UGT1A4: variants seen among roughly 807,000 people sequenced by gnomAD.
The protein encoded by UGT1A4 is UDP-glucuronosyltransferase 1A4.
In UGT1A4, 32 loss-of-function variants were observed where a neutral mutation model predicts 41.1. That is an observed-to-expected ratio of 0.78 (90% CI 0.59 to 1.05). The LOEUF is 1.05. UGT1A4 is among the 50% of genes least tolerant of loss of function. UGT1A4 has a pLI of 0.00. For synonymous variants in UGT1A4, 283 were observed against 265.1 expected, an observed-to-expected ratio of 1.07 and a Z score of -0.66; for missense variants, 748 against 677.4, an observed-to-expected ratio of 1.10 and a Z score of -1.16.
chr2:233,755,274 G>T, intron 1 of UGT1A4: 1 of 734,282 alleles, frequency 1.4e-6, no homozygotes, highest in Non-Finnish European at 2.1e-6. Flanking sequence ...CACTATGCTG[G>T]ACTGCCAAAG....
chr2:233,749,114 A>G (rs113228961), intron 1 of UGT1A4, among the ~76,000 whole-genome samples: 3 of 151,858 alleles, frequency 2.0e-5, no homozygotes, highest in African/African-American at 7.3e-5. Flanking sequence ...CAGCCTTTTT[A>G]TGTCATATTC....
At chr2:233,747,573 T>C (rs1169792054) in intron 1 of UGT1A4, 7 of 1,587,232 alleles carry the variant, frequency 4.4e-6, no homozygotes, top group African/African-American at 1.4e-5. Flanking sequence ...GAAAAATTCA[T>C]CTTTGGTCTT....
intron 1 of UGT1A4, chr2:233,743,514 G>T (rs753191882): frequency 7.3e-7 from 1 of 1,367,256 alleles, no homozygotes; most frequent in Non-Finnish European, 9.8e-7. Flanking sequence ...CAGACGCTCT[G>T]CTTCTGCTTC....
At chr2:233,728,727 T>C (rs1208956331) in intron 1 of UGT1A4, among the ~76,000 whole-genome samples, 1 of 152,204 alleles carries the variant, frequency 6.6e-6, no homozygotes, top group Non-Finnish European at 1.5e-5. Flanking sequence ...AGAGAGCATA[T>C]GACTGGGGGC....
chr2:233,761,493 C>T (rs34652311), intron 1 of UGT1A4, among the ~76,000 whole-genome samples: 4,469 of 152,304 alleles, frequency 0.029, 206 homozygotes, highest in African/African-American at 0.1. Flanking sequence ...TGCACCTTGC[C>T]CTGGATTCAG....
At chr2:233,739,447 A>G (rs1387114794) in intron 1 of UGT1A4, among the ~76,000 whole-genome samples, 2 of 152,208 alleles carry the variant, frequency 1.3e-5, no homozygotes, top group East Asian at 3.8e-4. Flanking sequence ...CTGCAAAGCC[A>G]CAGGGTTGGA....
Position 233,772,318 on chromosome 2 carries a change from C to G in UGT1A4, c.1364C>G (p.Pro455Arg). The change falls in exon 5 of 5, where the codon CCG (proline) becomes CGG (arginine). Residue 455 changes from proline to arginine, a missense_variant. Physicochemically the swap from Pro to Arg is moderately radical, Grantham distance 103. Coordinates refer to ENST00000373409, the MANE Select transcript of UGT1A4 (RefSeq NM_007120.3). ...CTTCACAAGGACCGCCCGGTGGAGC[C>G]GCTGGACCTGGCCGTGTTCTGGGTG... The part of the protein sequence containing the change: ...SSLHKDRPVE[P>R]LDLAVFWVEF... 1 of 1,614,230 alleles carries G rather than the reference C, an allele frequency of 6.2e-7. No individual in the cohort carries two copies.
chr2:233,721,491 G>A (rs1273108761), intron 1 of UGT1A4: 2 of 174,316 alleles, frequency 1.1e-5, no homozygotes, highest in East Asian at 1.8e-4. Flanking sequence ...TATTATTTTA[G>A]TTTAATTGCA....
At position 233,728,920 on chromosome 2, in the gene UGT1A4, G is replaced by C. The variant is rs45496293; in HGVS notation, c.867+9233G>C. Among the ~76,000 whole-genome samples the C allele has an allele frequency of 4.5e-3, 686 of 151,868 alleles. 5 individuals carry two copies. Among genetic ancestry groups the C allele is most frequent in the African/African-American group, 0.016 (647 of 41,130 alleles). Reference sequence around the variant, plus strand: ...AGGGTCAGACGTGTTTTTCAAGATAGTCATGATCGGTCTTTTCCAGGGTGG... The same window carrying C: ...AGGGTCAGACGTGTTTTTCAAGATACTCATGATCGGTCTTTTCCAGGGTGG... On this transcript the variant is annotated intron_variant, in intron 1 of 4. Transcript: ENST00000373409.
chr2:233,723,484 C>A (rs6750992), intron 1 of UGT1A4, among the ~76,000 whole-genome samples: 60,000 of 128,836 alleles, frequency 0.47, 17,177 homozygotes, highest in African/African-American at 0.75. Context: ...TGCTAGGATT[C>A]CAGGTGTGAG....
intron 1 of UGT1A4, chr2:233,743,776 C>T: frequency 7.3e-7 from 1 of 1,367,308 alleles, no homozygotes; most frequent in Non-Finnish European, 9.8e-7. Context: ...CGGCCACCTG[C>T]TTGAATCTCC....
rs2077784718 is a variant in UGT1A4 at position 233,729,074 on chromosome 2, T to G, written c.867+9387T>G. 9 of 1,611,804 alleles carry G rather than the reference T, an allele frequency of 5.6e-6. No individual in the cohort carries two copies. The Admixed American group carries it at 8.3e-5, about 15-fold the overall frequency. ...AGGTAATTAAGATGAAGAAAGCAAATGTAGCAGGCACAGCGTGGGGTGGAC... is the reference window on the plus strand; with the variant it reads ...AGGTAATTAAGATGAAGAAAGCAAAGGTAGCAGGCACAGCGTGGGGTGGAC... On this transcript the variant is annotated intron_variant, in intron 1 of 4. Transcript: ENST00000373409.
At chr2:233,767,790 T>C in intron 2 of UGT1A4, 59 bp from the exon 3 acceptor site, 1 of 1,614,008 alleles carries the variant, frequency 6.2e-7, no homozygotes, top group Non-Finnish European at 8.5e-7. Flanking sequence ...GTATAGCAGA[T>C]TTGTTTTCTA....
chr2:233,772,555 A>G lies in UGT1A4; in HGVS notation c.1601A>G (p.His534Arg), dbSNP rs1350310639. Reference sequence around the variant, plus strand: ...AAGAAAGCCCACAAATCCAAGACCCATTGAGAAGTGGGTGGGAAATAAGGT... The same window carrying G: ...AAGAAAGCCCACAAATCCAAGACCCGTTGAGAAGTGGGTGGGAAATAAGGT... The part of the protein sequence containing the change: ...RVKKAHKSKT[H>R] The change falls in exon 5 of 5, where the codon CAT becomes CGT. Residue 534 changes from histidine to arginine, a missense_variant. Transcript: ENST00000373409. The G allele has an allele frequency of 3.1e-6, 5 of 1,613,990 alleles. No homozygotes were observed. In the South Asian group the frequency reaches 5.5e-5, roughly 18 times the overall value.
At chr2:233,726,191 A>G (rs942571652) in intron 1 of UGT1A4, among the ~76,000 whole-genome samples, 1 of 152,194 alleles carries the variant, frequency 6.6e-6, no homozygotes, top group Non-Finnish European at 1.5e-5. Context: ...TCTTTGGCAT[A>G]TGGAAATCTT....
Position 233,729,669 on chromosome 2 carries a change from C to G in UGT1A4, c.867+9982C>G, listed in dbSNP as rs1433524187. ...TGAGGAACATTCCATGTGATTTAGA[C>G]TTTAAGGGCACACAGTGTCCAAACC... On this transcript the variant is annotated intron_variant, in intron 1 of 4. Coordinates refer to ENST00000373409, the MANE Select transcript of UGT1A4 (RefSeq NM_007120.3). 47 of 1,613,792 alleles carry G rather than the reference C, an allele frequency of 2.9e-5. No individual in the cohort carries two copies. Among genetic ancestry groups the G allele is most frequent in the Non-Finnish European group, 3.7e-5 (44 of 1,179,864 alleles).
At chr2:233,728,904 C>T (rs1575577301) in intron 1 of UGT1A4, among the ~76,000 whole-genome samples, 3 of 150,724 alleles carry the variant, frequency 2.0e-5, no homozygotes, top group South Asian at 4.1e-4. Flanking sequence ...CAGGGTCAGA[C>T]GTGTTTTTCA....
At chr2:233,724,372 TGCCGGGC>T (rs1434550848) in intron 1 of UGT1A4, among the ~76,000 whole-genome samples, 1 of 143,294 alleles carries the variant, frequency 7.0e-6, no homozygotes, top group Non-Finnish European at 1.5e-5. Context: ...ACGGGGTGGC[TGCCGGGC>T]GGAGACGCTC....
chr2:233,746,424 C>G (rs1693388244), intron 1 of UGT1A4, among the ~76,000 whole-genome samples: 1 of 151,702 alleles, frequency 6.6e-6, no homozygotes, highest in African/African-American at 2.4e-5. Flanking sequence ...GACCTATTAA[C>G]TTATGTCTTC....
Sources: gnomAD v4.1 joint callset for allele counts (sites outside exome capture counted in the v4.1 genomes callset) on GRCh38, gnomAD v4.1.1 for gene constraint, MANE v1.5 for transcripts, NCBI Gene and HGNC (gene_info 2026-07-23, HGNC 2026-07-21) for gene names.